Variants in ZFAND3 observed in about 807,000 individuals in gnomAD.
The protein encoded by ZFAND3 is AN1-type zinc finger protein 3.
ZFAND3 carries 10 observed loss-of-function variants against 29.6 expected under a neutral mutation model. That is an observed-to-expected ratio of 0.34 (90% CI 0.21 to 0.57). The LOEUF (loss-of-function observed/expected upper bound fraction) is 0.57. Among genes scored for constraint, ZFAND3 ranks in the 20% least tolerant of loss-of-function variants. ZFAND3 has a pLI of 0.86. For synonymous variants in ZFAND3, 128 were observed against 112.6 expected (o/e 1.14, Z -0.87); for missense variants, 230 against 304.5 (o/e 0.76, Z 1.82).
rs577995675 is a variant in ZFAND3 at position 37,873,908 on chromosome 6, G to A, written c.71+53892G>A. Among the ~76,000 whole-genome samples, 7 of 152,222 alleles carry A rather than the reference G, an allele frequency of 4.6e-5. 1 individual carries two copies. The South Asian group carries it at 1.0e-3, about 23-fold the overall frequency. Reference sequence around the variant, plus strand: ...AACTTTACACTGAAATTCGAATTTCGTATAATTTTCACGTCTCAGAATAAC... The same window carrying A: ...AACTTTACACTGAAATTCGAATTTCATATAATTTTCACGTCTCAGAATAAC... On this transcript the variant is annotated intron_variant, in intron 1 of 5. Transcript: ENST00000287218.
At chr6:38,059,266 T>C (rs1764190392) in intron 2 of ZFAND3, among the ~76,000 whole-genome samples, 1 of 152,226 alleles carries the variant, frequency 6.6e-6, no homozygotes, top group Non-Finnish European at 1.5e-5. Context: ...TTTTATCTTG[T>C]AATTATTATC....
At chr6:37,907,172 TATC>T (rs774750299) in intron 1 of ZFAND3, among the ~76,000 whole-genome samples, 9 of 152,136 alleles carry the variant, frequency 5.9e-5, no homozygotes, top group Non-Finnish European at 1.3e-4. Context: ...CTTTCCAAAA[TATC>T]ATTGATTTTT....
chr6:37,999,150 C>CA (rs1366392074), intron 2 of ZFAND3, among the ~76,000 whole-genome samples: 4 of 152,140 alleles, frequency 2.6e-5, no homozygotes, highest in Non-Finnish European at 5.9e-5. Flanking sequence ...GGGGGCATGT[C>CA]AGAGGGACAC....
intron 5 of ZFAND3, among the ~76,000 whole-genome samples, chr6:38,136,942 C>G (rs1182788544): frequency 1.3e-5 from 2 of 152,214 alleles, no homozygotes; most frequent in African/African-American, 4.8e-5. Flanking sequence ...TGTTAATACT[C>G]TTGCATCAAT....
intron 1 of ZFAND3, among the ~76,000 whole-genome samples, chr6:37,907,719 C>A (rs1043528073): frequency 3.9e-5 from 6 of 152,266 alleles, no homozygotes; most frequent in Non-Finnish European, 8.8e-5. Context: ...CCTCTTTCAA[C>A]TTTTTATTTT....
intron 2 of ZFAND3, among the ~76,000 whole-genome samples, chr6:38,035,724 G>T (rs759149232): frequency 6.6e-6 from 1 of 152,154 alleles, no homozygotes; most frequent in African/African-American, 2.4e-5. Context: ...TCTAGGAAAG[G>T]TGCAGATTCT....
In ZFAND3 at chr6:37,976,142, A is replaced by G. The variant is rs1441431967; in HGVS notation, c.112+46143A>G. 2.0e-5 allele frequency among the ~76,000 whole-genome samples: 3 copies of G among 152,188 alleles called. No homozygotes were observed. The East Asian group carries it at 5.8e-4, about 29-fold the overall frequency. On this transcript the variant is annotated intron_variant, in intron 2 of 5. Transcript: ENST00000287218. ...TATTGTTGATGCTACTTTAAAGGGT[A>G]TTTAACCTTTGAAAATAGTATGTGA...
At chr6:37,877,021 A>G (rs575991009) in intron 1 of ZFAND3, among the ~76,000 whole-genome samples, 3 of 152,278 alleles carry the variant, frequency 2.0e-5, no homozygotes, top group African/African-American at 7.2e-5. Context: ...CTAGGTTTTA[A>G]TCTTTGTGTA....
At position 37,820,046 on chromosome 6, in the gene ZFAND3, G is replaced by C. The variant is rs185826547; in HGVS notation, c.71+30G>C. ...GTGCCCGGCCGGGTGGGGGCGGGGGGCGGGGGCCGGGGGCGCAGACGCCAG... is the reference window on the plus strand; with the variant it reads ...GTGCCCGGCCGGGTGGGGGCGGGGGCCGGGGGCCGGGGGCGCAGACGCCAG... On this transcript the variant is annotated intron_variant, in intron 1 of 5. Transcript: ENST00000287218. 11 of 1,002,332 alleles carry C rather than the reference G, an allele frequency of 1.1e-5. No homozygotes were observed. The South Asian group carries it at 1.4e-4, about 13-fold the overall frequency. The allele number at this position is 1,002,332 out of a possible 1,614,324, so 62.1% of individuals were successfully genotyped here.
Position 37,842,475 on chromosome 6 carries a change from G to T in ZFAND3, c.71+22459G>T, listed in dbSNP as rs180683461. Among the ~76,000 whole-genome samples the T allele has an allele frequency of 5.3e-5, 8 of 152,088 alleles. No individual in the cohort carries two copies. The East Asian group carries it at 1.5e-3, about 29-fold the overall frequency. On this transcript the variant is annotated intron_variant, in intron 1 of 5. Coordinates refer to ENST00000287218, the MANE Select transcript of ZFAND3 (RefSeq NM_021943.3). ...AATGTTTTTGATATTTATCAGTGTT[G>T]TATGAATAAGTTTGTTCATCTTTAT...
chr6:37,939,502 AC>A (rs1185053760), intron 2 of ZFAND3, among the ~76,000 whole-genome samples: 2 of 152,218 alleles, frequency 1.3e-5, no homozygotes, highest in Admixed American at 1.3e-4. Context: ...CAAAATTATC[AC>A]ATTCACAGAT....
At chr6:37,830,593 C>T (rs954174114) in intron 1 of ZFAND3, among the ~76,000 whole-genome samples, 1 of 152,230 alleles carries the variant, frequency 6.6e-6, no homozygotes, top group South Asian at 2.1e-4. Context: ...ACGGGCTCTT[C>T]TGCTAAGACC....
chr6:37,857,702 G>A (rs1764410237), intron 1 of ZFAND3, among the ~76,000 whole-genome samples: 1 of 152,196 alleles, frequency 6.6e-6, no homozygotes, highest in Non-Finnish European at 1.5e-5. Flanking sequence ...TACAGTAAGA[G>A]AAAATTGTAG....
chr6:37,968,174 A>G (rs1303939210), intron 2 of ZFAND3, among the ~76,000 whole-genome samples: 2 of 152,272 alleles, frequency 1.3e-5, no homozygotes, highest in South Asian at 2.1e-4. Context: ...TTAATGGGCT[A>G]TCTCTAGAAG....
intron 5 of ZFAND3, among the ~76,000 whole-genome samples, chr6:38,147,215 C>T (rs1160817988): frequency 6.6e-6 from 1 of 152,186 alleles, no homozygotes; most frequent in Non-Finnish European, 1.5e-5. Flanking sequence ...AATTATTTAG[C>T]TCCTGAATAT....
chr6:37,983,535 T>C (rs559257403), intron 2 of ZFAND3, among the ~76,000 whole-genome samples: 30 of 152,004 alleles, frequency 2.0e-4, no homozygotes, highest in Non-Finnish European at 2.4e-4. Context: ...AATTTTGTAT[T>C]TTTAGTAGAG....
At position 37,854,009 on chromosome 6, in the gene ZFAND3, T is replaced by G. The variant is rs556596788; in HGVS notation, c.71+33993T>G. Among the ~76,000 whole-genome samples the G allele has an allele frequency of 2.0e-5, 3 of 152,256 alleles. No homozygotes were observed. In the South Asian group the frequency reaches 6.2e-4, roughly 32 times the overall value. ...TCTTGTTGCCCAGGCTGGAGTGCAA[T>G]GGTGCTATCTTGGCTCATTGCAACC... On this transcript the variant is annotated intron_variant, in intron 1 of 5. Transcript: ENST00000287218.
intron 2 of ZFAND3, among the ~76,000 whole-genome samples, chr6:38,043,104 C>A (rs1763822928): frequency 6.6e-6 from 1 of 152,122 alleles, no homozygotes; most frequent in Non-Finnish European, 1.5e-5. Context: ...ATATATATTA[C>A]AAAGTCAGAA....
intron 4 of ZFAND3, among the ~76,000 whole-genome samples, chr6:38,101,606 T>C (rs1765093737): frequency 6.6e-6 from 1 of 151,730 alleles, no homozygotes; most frequent in Non-Finnish European, 1.5e-5. Flanking sequence ...AAACCCCATC[T>C]CTACTAAAAA....
Sources: gnomAD v4.1 joint callset for allele counts (sites outside exome capture counted in the v4.1 genomes callset) on GRCh38, gnomAD v4.1.1 for gene constraint, MANE v1.5 for transcripts, NCBI Gene and HGNC (gene_info 2026-07-23, HGNC 2026-07-21) for gene names.